RELCH: variants seen among roughly 807,000 people sequenced by gnomAD.
The protein encoded by RELCH is RAB11-binding protein RELCH.
A neutral mutation model predicts 150.3 loss-of-function variants in RELCH; 41 were observed. The ratio of observed to expected loss-of-function variants is 0.27; its 90% CI spans 0.21 to 0.35. RELCH has a LOEUF of 0.35. Among genes scored for constraint, RELCH ranks in the 10% least tolerant of loss-of-function variants. RELCH has a pLI of 1.00. For missense variants in RELCH, 1,092 were observed against 1,467.8 expected, an observed-to-expected ratio of 0.74 and a Z score of 4.18; for synonymous variants, 478 against 531.8, an observed-to-expected ratio of 0.90 and a Z score of 1.39.
At chr18:62,282,249 C>T (rs1169804998) in intron 24 of RELCH, 57 bp from the exon 25 acceptor site, 1 of 1,470,008 alleles carries the variant, frequency 6.8e-7, no homozygotes, top group Non-Finnish European at 9.5e-7. Context: ...TTCACTTTAA[C>T]AACACTACTC....
Position 62,305,538 on chromosome 18 carries a change from C to A in RELCH, c.*4C>A, listed in dbSNP as rs2045850281. ...TGTATTTCAGAGAAAGAAGTAGAAG[C>A]AGGAAAGAAGCCCCCAGTAAACACT... On this transcript the variant is annotated 3_prime_UTR_variant, in exon 29 of 29. Transcript: ENST00000644646. The surrounding 1 kb of genome is among the most constrained non-coding windows in gnomAD (Gnocchi z 4.0). 16 of 1,604,178 alleles carry A rather than the reference C, an allele frequency of 1.0e-5. No homozygotes were observed. The highest frequency in any genetic ancestry group is 1.1e-5 in the Non-Finnish European group (13 of 1,175,566).
intron 5 of RELCH, 41 bp downstream of exon 5, chr18:62,221,538 C>T (rs1599891175): frequency 2.4e-6 from 2 of 831,090 alleles, no homozygotes; most frequent in Non-Finnish European, 3.7e-6. Flanking sequence ...TTTTTCTACA[C>T]TTATAATTCA....
At chr18:62,224,085 A>G (rs2041055441) in intron 5 of RELCH, among the ~76,000 whole-genome samples, 1 of 152,068 alleles carries the variant, frequency 6.6e-6, no homozygotes, top group Non-Finnish European at 1.5e-5. Flanking sequence ...CGTCATTTAC[A>G]TTAGGCATTT....
At chr18:62,219,917 GA>G (rs1397579950) in intron 2 of RELCH, among the ~76,000 whole-genome samples, 1 of 151,876 alleles carries the variant, frequency 6.6e-6, no homozygotes, top group Admixed American at 6.6e-5. Flanking sequence ...AGTCAGTTAG[GA>G]AAAAATTGCA....
At chr18:62,228,708 T>A in intron 8 of RELCH, 110 bp downstream of exon 8, 1 of 763,752 alleles carries the variant, frequency 1.3e-6, no homozygotes, top group Non-Finnish European at 2.0e-6. Context: ...TCAAATATAT[T>A]AATTTTTATA....
intron 2 of RELCH, among the ~76,000 whole-genome samples, chr18:62,220,183 T>C (rs977961543): frequency 1.7e-4 from 26 of 152,072 alleles, no homozygotes; most frequent in African/African-American, 4.3e-4. Flanking sequence ...CATGAACAAA[T>C]CTATTAGAAG....
chr18:62,204,449 C>G (rs1378156317), intron 1 of RELCH, among the ~76,000 whole-genome samples: 1 of 152,094 alleles, frequency 6.6e-6, no homozygotes, highest in African/African-American at 2.4e-5. Flanking sequence ...GATCCTCCCA[C>G]CTTAGCCTCC....
intron 20 of RELCH, among the ~76,000 whole-genome samples, chr18:62,269,877 A>T (rs1371051796): frequency 2.0e-5 from 3 of 152,130 alleles, no homozygotes; most frequent in African/African-American, 7.2e-5. Flanking sequence ...GTACTCACAA[A>T]GTTTCAAATT....
intron 28 of RELCH, among the ~76,000 whole-genome samples, chr18:62,303,143 C>T (rs889937385): frequency 1.1e-4 from 17 of 150,310 alleles, no homozygotes; most frequent in East Asian, 9.7e-4. Context: ...GGGGTGGGGG[C>T]GGAATTGCTG....
At chr18:62,190,828 C>A (rs868042134) in intron 1 of RELCH, among the ~76,000 whole-genome samples, 44 of 152,288 alleles carry the variant, frequency 2.9e-4, no homozygotes, top group Non-Finnish European at 4.0e-4. Context: ...CTTTAGCAAC[C>A]ACCCCCATAC....
chr18:62,233,826 T>C (rs1286024962), intron 10 of RELCH, among the ~76,000 whole-genome samples: 1 of 151,914 alleles, frequency 6.6e-6, no homozygotes, highest in Non-Finnish European at 1.5e-5. Context: ...TAATTTTTCA[T>C]ATTATCATAA....
chr18:62,300,682 G>C lies in RELCH; in HGVS notation c.3530+1822G>C, dbSNP rs563888453. 3 of 152,266 alleles carry C rather than the reference G, an allele frequency of 2.0e-5. No individual in the cohort carries two copies. In the East Asian group the frequency reaches 5.8e-4, roughly 29 times the overall value. The allele number at this position is 152,266 out of a possible 1,614,324, so 9.4% of individuals were successfully genotyped here. A position where few individuals can be genotyped will look rare whatever the true frequency, so the allele number is the denominator to read the frequency against. On this transcript the variant is annotated intron_variant, in intron 28 of 28. Coordinates refer to ENST00000644646, the MANE Select transcript of RELCH (RefSeq NM_001346231.2). ...CATTGTTTAATTAATTCAATTGGTT[G>C]TGACACGTATTTCATCCCGAGAAAT...
At chr18:62,238,933 T>G (rs1418432661) in intron 10 of RELCH, among the ~76,000 whole-genome samples, 1 of 152,138 alleles carries the variant, frequency 6.6e-6, no homozygotes, top group African/African-American at 2.4e-5. Flanking sequence ...AAGTAGTTGG[T>G]ACCTCTACAG....
At chr18:62,304,880 A>G (rs2045819287) in intron 28 of RELCH, among the ~76,000 whole-genome samples, 2 of 152,320 alleles carry the variant, frequency 1.3e-5, no homozygotes, top group African/African-American at 2.4e-5. Flanking sequence ...ATATCCCCCT[A>G]AAAAGGAATA....
chr18:62,192,895 A>G (rs984877809), intron 1 of RELCH, among the ~76,000 whole-genome samples: 3 of 152,144 alleles, frequency 2.0e-5, no homozygotes, highest in Admixed American at 2.0e-4. Context: ...ATGAATTTTA[A>G]AAGTTTTTTC....
rs539837494 is a variant in RELCH, at chr18:62,194,339, T to C, written c.526+6308T>C. On this transcript the variant is annotated intron_variant, in intron 1 of 28. Transcript: ENST00000644646. Reference sequence around the variant, plus strand: ...TTTTTTTCTTTAATAATTTATGTTCTGTATGTCCTTTTGAGAAACATTTGC... The same window carrying C: ...TTTTTTTCTTTAATAATTTATGTTCCGTATGTCCTTTTGAGAAACATTTGC... Among the ~76,000 whole-genome samples, 3 of 152,366 alleles carry C rather than the reference T, an allele frequency of 2.0e-5. No individual in the cohort carries two copies. In the East Asian group the frequency reaches 5.8e-4, roughly 29 times the overall value.
chr18:62,246,001 T>C (rs1426860456), intron 11 of RELCH: 1 of 152,164 alleles, frequency 6.6e-6, no homozygotes. Context: ...ACATACCTGG[T>C]GACCCCCTCA....
At chr18:62,280,859 G>C in intron 24 of RELCH, 150 bp downstream of exon 24, 1 of 579,554 alleles carries the variant, frequency 1.7e-6, no homozygotes, top group Non-Finnish European at 3.1e-6. Context: ...TGAAAACATG[G>C]TAGCCTAACC....
intron 20 of RELCH, 37 bp from the exon 21 acceptor site, chr18:62,273,943 T>C (rs1465075696): frequency 7.9e-6 from 10 of 1,258,998 alleles, no homozygotes; most frequent in Non-Finnish European, 1.0e-5. Flanking sequence ...TCTACTTGAT[T>C]GTTTGGAAAT....
Sources: allele counts gnomAD v4.1 joint callset (sites outside exome capture counted in the v4.1 genomes callset), GRCh38; gene constraint gnomAD v4.1.1; non-coding constraint Gnocchi (gnomAD v3.1); transcripts MANE v1.5; gene names NCBI Gene and HGNC (gene_info 2026-07-23, HGNC 2026-07-21).